Variants in TCF4 observed in about 807,000 individuals in gnomAD.
The protein encoded by TCF4 is SL3-3 enhancer factor 2.
TCF4 carries 3 observed loss-of-function variants against 82.1 expected under a neutral mutation model. The ratio of observed to expected loss-of-function variants is 0.04; its 90% CI spans 0.02 to 0.09. TCF4 has a LOEUF of 0.09. Ranked by LOEUF, TCF4 falls within the 10% of genes least tolerant of loss-of-function variation. The pLI, the probability that TCF4 is intolerant of heterozygous loss-of-function variation, is 1.00. For synonymous variants in TCF4, 276 were observed against 309.6 expected (o/e 0.89, Z 1.14); for missense variants, 518 against 852.7 (o/e 0.61, Z 4.89).
chr18:55,228,825 A>G, intron 18 of TCF4, 22 bp downstream of exon 18: 1 of 1,613,308 alleles, frequency 6.2e-7, no homozygotes, highest in Non-Finnish European at 8.5e-7. Context: ...CGAGCTCTGC[A>G]AGGAGGCTGG....
chr18:55,466,076 TG>T (rs1353122625), intron 3 of TCF4, among the ~76,000 whole-genome samples: 1 of 152,232 alleles, frequency 6.6e-6, no homozygotes, highest in Non-Finnish European at 1.5e-5. Context: ...AAAGGACATT[TG>T]GCAAAGCCAC....
chr18:55,261,662 G>C (rs2058105059), intron 11 of TCF4, 129 bp from the exon 12 acceptor site: 3 of 1,040,362 alleles, frequency 2.9e-6, no homozygotes, highest in Admixed American at 1.7e-5. Flanking sequence ...TCTTTAATTA[G>C]CATTAATTTG....
At chr18:55,372,048 G>C (rs1450178526) in intron 6 of TCF4, among the ~76,000 whole-genome samples, 4 of 152,180 alleles carry the variant, frequency 2.6e-5, no homozygotes, top group African/African-American at 9.7e-5. Context: ...AAAGCATTTA[G>C]AATGTGTAAA....
At chr18:55,402,447 C>T (rs533528981) in intron 6 of TCF4, among the ~76,000 whole-genome samples, 5 of 151,326 alleles carry the variant, frequency 3.3e-5, no homozygotes, top group Admixed American at 3.3e-4. Context: ...TCAAGAACAT[C>T]AGAGGGTGAG....
chr18:55,563,532 T>A (rs2097373608), intron 3 of TCF4, among the ~76,000 whole-genome samples: 1 of 152,062 alleles, frequency 6.6e-6, no homozygotes, highest in African/African-American at 2.4e-5. Flanking sequence ...ACTTAAGGAG[T>A]TTGCTTAGAG....
chr18:55,403,880 C>T (rs939824516), intron 5 of TCF4: 1 of 1,447,260 alleles, frequency 6.9e-7, no homozygotes, highest in Admixed American at 2.6e-5. Flanking sequence ...ATGTAATGAC[C>T]CTAGCCTAGT....
At chr18:55,306,729 A>G (rs2147107094) in intron 8 of TCF4, among the ~76,000 whole-genome samples, 1 of 152,340 alleles carries the variant, frequency 6.6e-6, no homozygotes, top group African/African-American at 2.4e-5. Flanking sequence ...AATTATCTTC[A>G]TTACAGATAC....
chr18:55,300,330 T>C (rs1013338217), intron 8 of TCF4, among the ~76,000 whole-genome samples: 1 of 152,046 alleles, frequency 6.6e-6, no homozygotes, highest in Non-Finnish European at 1.5e-5. Flanking sequence ...GGACAATTTT[T>C]TGTTTGTTTT....
At chr18:55,616,315 G>A (rs1460687182) in intron 2 of TCF4, among the ~76,000 whole-genome samples, 1 of 152,010 alleles carries the variant, frequency 6.6e-6, no homozygotes, top group Admixed American at 6.6e-5. Context: ...TTTTTTTAAG[G>A]TTGAGTAATA....
rs549921424 is a variant in TCF4, at chr18:55,491,697, C to G, written c.146-27560G>C. On this transcript the variant is annotated intron_variant, in intron 3 of 19. Transcript: ENST00000354452. ...GCTCTTGCTCCTGATCACCACTTAA[C>G]TAATAGTTTAATGGGCTCCGTTTAC... Among the ~76,000 whole-genome samples the G allele has an allele frequency of 2.0e-5, 3 of 152,302 alleles. No homozygotes were observed. The South Asian group carries it at 6.2e-4, about 32-fold the overall frequency.
At chr18:55,506,033 GAC>G (rs1242270935) in intron 3 of TCF4, among the ~76,000 whole-genome samples, 1 of 152,178 alleles carries the variant, frequency 6.6e-6, no homozygotes, top group East Asian at 1.9e-4. Flanking sequence ...CCTCAACAGA[GAC>G]ACCTCTTTGA....
At chr18:55,600,364 T>C (rs556880898) in intron 2 of TCF4, among the ~76,000 whole-genome samples, 1 of 152,358 alleles carries the variant, frequency 6.6e-6, no homozygotes, top group South Asian at 2.1e-4. Context: ...AACATATTGC[T>C]TCTAATATAA....
rs950409886 is a variant in TCF4, at chr18:55,225,078, CTTT to C, written c.*2954_*2956del. The C allele has an allele frequency of 4.1e-4, 62 of 152,180 alleles. 1 individual carries two copies. The highest frequency in any genetic ancestry group is 1.3e-3 in the Admixed American group (20 of 15,272). The allele number at this position is 152,180 out of a possible 1,614,324, so 9.4% of individuals were successfully genotyped here. On this transcript the variant is annotated 3_prime_UTR_variant, in exon 20 of 20. Transcript: ENST00000354452. ...AAACACACTAAAAAGGCCACATTCC[CTTT>C]TTTTCTTTTTTAATGGGGATACAAC...
At chr18:55,298,047 T>C (rs2067055713) in intron 8 of TCF4, among the ~76,000 whole-genome samples, 1 of 152,140 alleles carries the variant, frequency 6.6e-6, no homozygotes, top group Non-Finnish European at 1.5e-5. Context: ...AGGTGCTGTA[T>C]ATAAAAAAGA....
intron 15 of TCF4, among the ~76,000 whole-genome samples, chr18:55,239,025 CT>C (rs1379447742): frequency 1.3e-5 from 2 of 152,154 alleles, no homozygotes; most frequent in African/African-American, 2.4e-5. Context: ...CACATATTGA[CT>C]GGTACATGTA....
intron 6 of TCF4, among the ~76,000 whole-genome samples, chr18:55,352,926 A>G (rs1175461289): frequency 6.6e-6 from 1 of 152,162 alleles, no homozygotes; most frequent in East Asian, 1.9e-4. Context: ...CAGTTTGGTA[A>G]ATCTACGAAT....
upstream of TCF4, chr18:55,589,598 T>C (rs1029384941): frequency 6.5e-5 from 68 of 1,044,030 alleles, no homozygotes; most frequent in Middle Eastern, 4.3e-4. Flanking sequence ...AGGATAGTTA[T>C]AATTTTTCCT....
chr18:55,397,730 G>C (rs937833654), intron 6 of TCF4, among the ~76,000 whole-genome samples: 1 of 151,872 alleles, frequency 6.6e-6, no homozygotes, highest in Non-Finnish European at 1.5e-5. Flanking sequence ...AATCTCTTTA[G>C]GGATAATAAC....
intron 3 of TCF4, among the ~76,000 whole-genome samples, chr18:55,497,964 A>G (rs764215558): frequency 3.3e-5 from 5 of 152,234 alleles, no homozygotes; most frequent in Non-Finnish European, 7.3e-5. Context: ...TACACAAAGC[A>G]CTACCCACTT....
Sources: gnomAD v4.1 joint callset for allele counts (sites outside exome capture counted in the v4.1 genomes callset) on GRCh38, gnomAD v4.1.1 for gene constraint, MANE v1.5 for transcripts, NCBI Gene and HGNC (gene_info 2026-07-23, HGNC 2026-07-21) for gene names.